The following AGBL4 variants were observed in gnomAD, a reference collection of about 807,000 sequenced individuals.
The protein encoded by AGBL4 is AGBL carboxypeptidase 4.
AGBL4 carries 58 observed loss-of-function variants against 66.4 expected under a neutral mutation model. The ratio of observed to expected loss-of-function variants is 0.87; its 90% CI spans 0.71 to 1.09. The LOEUF (loss-of-function observed/expected upper bound fraction) is 1.09. AGBL4 is among the 50% of genes least tolerant of loss of function. The pLI, the probability that AGBL4 is intolerant of heterozygous loss-of-function variation, is 0.00. For missense variants in AGBL4, 579 were observed against 631.0 expected (o/e 0.92, Z 0.88); for synonymous variants, 234 against 222.9 (o/e 1.05, Z -0.44).
At chr1:48,591,189 C>G (rs1009123781) in intron 9 of AGBL4, among the ~76,000 whole-genome samples, 26 of 148,930 alleles carry the variant, frequency 1.7e-4, no homozygotes, top group African/African-American at 6.2e-4. Flanking sequence ...CAGGTGACGA[C>G]CAATTCCTCC....
chr1:49,194,017 T>C lies in AGBL4; in HGVS notation c.377+51753A>G, dbSNP rs969782617. The stretch of plus-strand genomic sequence containing the variant: ...ATTGTTTTATCAAATGTTCTTCAAA[T>C]GTCTGTTAGGTCCATTTGGTCTAAA... On this transcript the variant is annotated intron_variant, in intron 4 of 13. Transcript: ENST00000371839. 1.7e-4 allele frequency among the ~76,000 whole-genome samples: 26 copies of C among 152,360 alleles called. No individual in the cohort carries two copies. In the South Asian group the frequency reaches 3.7e-3, roughly 22 times the overall value.
the AGBL4 span, among the ~76,000 whole-genome samples, chr1:48,526,342 G>A: frequency 6.6e-6 from 1 of 152,228 alleles, no homozygotes; most frequent in Middle Eastern, 3.2e-3. Context: ...ACTTTGGTCA[G>A]ATTCCTTAGT....
chr1:49,383,882 C>T (rs1435614810), intron 3 of AGBL4, among the ~76,000 whole-genome samples: 1 of 151,896 alleles, frequency 6.6e-6, no homozygotes, highest in African/African-American at 2.4e-5. Context: ...TTGCGACCGC[C>T]GCCTCCCAGA....
chr1:48,950,805 T>C (rs945236026), intron 5 of AGBL4, among the ~76,000 whole-genome samples: 2 of 152,188 alleles, frequency 1.3e-5, no homozygotes, highest in East Asian at 1.9e-4. Flanking sequence ...TGCCCTAGCT[T>C]GCTGTTGCTT....
rs561486352 is a variant in AGBL4 at position 49,283,222 on chromosome 1, C to A, written c.283-37358G>T. Among the ~76,000 whole-genome samples, 4 of 152,278 alleles carry A rather than the reference C, an allele frequency of 2.6e-5. No homozygotes were observed. In the East Asian group the frequency reaches 7.8e-4, roughly 30 times the overall value. On this transcript the variant is annotated intron_variant, in intron 3 of 13. Coordinates refer to ENST00000371839, the MANE Select transcript of AGBL4 (RefSeq NM_032785.4). ...AAGTGGGTCCCTGACCCCTGACCCC[C>A]GAGCAGCCTAACTGGGAGGCACCCC...
chr1:49,189,594 A>G (rs925232519), intron 4 of AGBL4, among the ~76,000 whole-genome samples: 6 of 152,142 alleles, frequency 3.9e-5, no homozygotes, highest in Admixed American at 6.6e-5. Context: ...CCTCTTTTGT[A>G]TTTATCCTAT....
At chr1:48,784,959 G>A (rs952107180) in intron 6 of AGBL4, among the ~76,000 whole-genome samples, 3 of 152,100 alleles carry the variant, frequency 2.0e-5, no homozygotes, top group African/African-American at 7.2e-5. Flanking sequence ...GACCTACCTC[G>A]GAAAAATGCA....
At chr1:48,653,957 CAA>C (rs940739540) in intron 7 of AGBL4, among the ~76,000 whole-genome samples, 20 of 152,132 alleles carry the variant, frequency 1.3e-4, no homozygotes, top group Admixed American at 1.0e-3. Context: ...GCATTTTAGC[CAA>C]AGTCACATGA....
At chr1:49,500,062 G>A (rs1049703128) in intron 3 of AGBL4, among the ~76,000 whole-genome samples, 1 of 151,808 alleles carries the variant, frequency 6.6e-6, no homozygotes, top group African/African-American at 2.4e-5. Flanking sequence ...TTAAATTATG[G>A]CTATGTTTGC....
intron 2 of AGBL4, among the ~76,000 whole-genome samples, chr1:49,741,041 A>G (rs1394807309): frequency 1.3e-5 from 2 of 152,150 alleles, no homozygotes; most frequent in African/African-American, 4.8e-5. Context: ...GCAAGAAATA[A>G]CTACGATCAG....
chr1:49,777,954 C>T (rs2147897694), intron 2 of AGBL4, among the ~76,000 whole-genome samples: 1 of 152,292 alleles, frequency 6.6e-6, no homozygotes, highest in East Asian at 1.9e-4. Flanking sequence ...TAGTATTTGA[C>T]TCACAAGCTG....
chr1:48,876,779 A>AGATGT (rs2148836483), intron 5 of AGBL4, among the ~76,000 whole-genome samples: 1 of 152,286 alleles, frequency 6.6e-6, no homozygotes, highest in African/African-American at 2.4e-5. Context: ...AGTTTGTTGC[A>AGATGT]GATGTGATGT....
chr1:49,634,152 T>A (rs997027498), intron 3 of AGBL4, among the ~76,000 whole-genome samples: 2 of 151,988 alleles, frequency 1.3e-5, no homozygotes, highest in Admixed American at 1.3e-4. Context: ...GCCATGGTGG[T>A]TTGCTGCACC....
At chr1:49,561,418 T>C (rs912740752) in intron 3 of AGBL4, among the ~76,000 whole-genome samples, 5 of 151,920 alleles carry the variant, frequency 3.3e-5, no homozygotes, top group African/African-American at 1.2e-4. Flanking sequence ...TGACTCGTCA[T>C]TTAGCATTAG....
At chr1:49,707,367 CTTTTT>C (rs34368394) in intron 2 of AGBL4, among the ~76,000 whole-genome samples, 2,542 of 76,390 alleles carry the variant, frequency 0.033, 70 homozygotes, top group African/African-American at 0.12. Context: ...GCAACCCCTG[CTTTTT>C]TTTTTTTTTT....
rs979794877 is a variant in AGBL4, at chr1:49,548,161, A to G, written c.282+149152T>C. Among the ~76,000 whole-genome samples the G allele has an allele frequency of 4.6e-5, 7 of 152,208 alleles. No individual in the cohort carries two copies. In the South Asian group the frequency reaches 1.4e-3, roughly 32 times the overall value. ...TTGTGTACACTAGTCTTGTATCCAG[A>G]AACTTTGCTGAATTCTTTTATCGGT... On this transcript the variant is annotated intron_variant, in intron 3 of 13. Coordinates refer to ENST00000371839, the MANE Select transcript of AGBL4 (RefSeq NM_032785.4).
At chr1:49,833,136 T>A (rs1159445270) in intron 2 of AGBL4, among the ~76,000 whole-genome samples, 1 of 152,240 alleles carries the variant, frequency 6.6e-6, no homozygotes, top group East Asian at 1.9e-4. Flanking sequence ...GGTCTAAGGT[T>A]TAAGTCTTTA....
At chr1:48,893,250 G>T (rs1651150274) in intron 5 of AGBL4, among the ~76,000 whole-genome samples, 1 of 152,088 alleles carries the variant, frequency 6.6e-6, no homozygotes, top group Non-Finnish European at 1.5e-5. Flanking sequence ...CCCTGTTATG[G>T]ACTGAATGTT....
At chr1:49,350,370 A>T (rs1172535672) in intron 3 of AGBL4, among the ~76,000 whole-genome samples, 2 of 151,010 alleles carry the variant, frequency 1.3e-5, no homozygotes, top group African/African-American at 4.9e-5. Context: ...CGCCCGGCTA[A>T]TTTTTTGTAT....
Sources: allele counts gnomAD v4.1 joint callset (sites outside exome capture counted in the v4.1 genomes callset), GRCh38; gene constraint gnomAD v4.1.1; transcripts MANE v1.5; gene names NCBI Gene and HGNC (gene_info 2026-07-23, HGNC 2026-07-21).